PDZRN3: variants seen among roughly 807,000 people sequenced by gnomAD.
The protein encoded by PDZRN3 is E3 ubiquitin-protein ligase PDZRN3.
Under a neutral mutation model 85.7 loss-of-function variants are expected in PDZRN3, and 38 were observed. That is an observed-to-expected ratio of 0.44 (90% CI 0.34 to 0.58). The LOEUF (loss-of-function observed/expected upper bound fraction) is 0.58. Ranked by LOEUF, PDZRN3 falls within the 20% of genes least tolerant of loss-of-function variation. PDZRN3 has a pLI of 0.01. For missense variants in PDZRN3, 1,629 were observed against 1,506.4 expected, an observed-to-expected ratio of 1.08 and a Z score of -1.35; for synonymous variants, 759 against 638.0, an observed-to-expected ratio of 1.19 and a Z score of -2.86.
intron 3 of PDZRN3, among the ~76,000 whole-genome samples, chr3:73,458,909 T>C (rs1703043108): frequency 6.6e-6 from 1 of 150,796 alleles, no homozygotes; most frequent in Non-Finnish European, 1.5e-5. Flanking sequence ...GGAGAATCGA[T>C]TCAACCCGGG....
rs28386174 is a variant in PDZRN3 at position 73,569,354 on chromosome 3, G to C, written c.918+33000C>G. The C allele has an allele frequency of 3.4e-3, 4,140 of 1,206,642 alleles. 123 individuals carry two copies. The African/African-American group carries it at 0.061, about 18-fold the overall frequency. The allele number at this position is 1,206,642 out of a possible 1,614,324, so 74.7% of individuals were successfully genotyped here. A position where few individuals can be genotyped will look rare whatever the true frequency, so the allele number is the denominator to read the frequency against. On this transcript the variant is annotated intron_variant, in intron 3 of 9. Transcript: ENST00000263666. ...AGAATAAGCAGGTTAATAATCTTTA[G>C]TGAGGAGGCTGGGAGGGAGGGGGCC... is the stretch of plus-strand genomic sequence containing the variant.
intron 3 of PDZRN3, among the ~76,000 whole-genome samples, chr3:73,514,520 G>A (rs912754203): frequency 2.0e-5 from 3 of 152,026 alleles, no homozygotes; most frequent in Non-Finnish European, 4.4e-5. Context: ...GGGCTTTAAG[G>A]GCCATGAATA....
chr3:73,605,186 G>T (rs1005886189), intron 2 of PDZRN3, among the ~76,000 whole-genome samples: 1 of 147,782 alleles, frequency 6.8e-6, no homozygotes, highest in East Asian at 2.0e-4. Flanking sequence ...CAACCTGGGT[G>T]ACAGAGTGAG....
intron 3 of PDZRN3, among the ~76,000 whole-genome samples, chr3:73,601,705 T>C (rs980011467): frequency 1.3e-5 from 2 of 152,178 alleles, no homozygotes; most frequent in African/African-American, 2.4e-5. Flanking sequence ...TGTTACAAAG[T>C]GTTGTCTGGT....
At chr3:73,591,892 G>T (rs1299263207) in intron 3 of PDZRN3, among the ~76,000 whole-genome samples, 1 of 152,010 alleles carries the variant, frequency 6.6e-6, no homozygotes, top group Non-Finnish European at 1.5e-5. Flanking sequence ...ATAAACATAG[G>T]TCTCACATGT....
intron 3 of PDZRN3, among the ~76,000 whole-genome samples, chr3:73,451,896 T>C (rs1453437090): frequency 2.0e-5 from 3 of 152,072 alleles, no homozygotes; most frequent in African/African-American, 4.8e-5. Flanking sequence ...GATTTAAAGA[T>C]GACTGTGCTC....
chr3:73,491,593 C>CATTTTTTTTTTT (rs1703772527), intron 3 of PDZRN3, among the ~76,000 whole-genome samples: 1 of 132,870 alleles, frequency 7.5e-6, no homozygotes, highest in Non-Finnish European at 1.6e-5. Context: ...TGGAAGGTTC[C>CATTTTTTTTTTT]TTTTTTTTTT....
intron 3 of PDZRN3, among the ~76,000 whole-genome samples, chr3:73,451,849 TCACACA>T (rs58276955): frequency 1.3e-5 from 2 of 149,298 alleles, no homozygotes; most frequent in Non-Finnish European, 3.0e-5. Flanking sequence ...TAGCTTCTCA[TCACACA>T]CACACACACA....
chr3:73,499,229 CA>C (rs1703928078), intron 3 of PDZRN3, among the ~76,000 whole-genome samples: 1 of 152,186 alleles, frequency 6.6e-6, no homozygotes, highest in Non-Finnish European at 1.5e-5. Context: ...GCACTGGTTA[CA>C]AACATCAGTG....
intron 3 of PDZRN3, among the ~76,000 whole-genome samples, chr3:73,467,879 T>C (rs991802996): frequency 5.3e-5 from 8 of 152,166 alleles, no homozygotes; most frequent in Admixed American, 2.6e-4. Flanking sequence ...ATTCCACTTA[T>C]ATGAGGTGCC....
chr3:73,443,798 T>A (rs1702694927), intron 3 of PDZRN3, among the ~76,000 whole-genome samples: 1 of 148,540 alleles, frequency 6.7e-6, no homozygotes, highest in Non-Finnish European at 1.5e-5. Context: ...CTGGTCCAGC[T>A]TTTTTTTTTA....
At chr3:73,481,755 A>G (rs886484884) in intron 3 of PDZRN3, among the ~76,000 whole-genome samples, 4 of 152,232 alleles carry the variant, frequency 2.6e-5, no homozygotes, top group Non-Finnish European at 5.9e-5. Flanking sequence ...AAATTTATAA[A>G]TAGGTTGTTC....
chr3:73,470,953 AT>A (rs1559696667), intron 3 of PDZRN3, among the ~76,000 whole-genome samples: 2 of 152,180 alleles, frequency 1.3e-5, no homozygotes, highest in Non-Finnish European at 2.9e-5. Flanking sequence ...CCATTTTGCA[AT>A]TTTAAAACTT....
At chr3:73,499,625 C>T (rs1277590163) in intron 3 of PDZRN3, among the ~76,000 whole-genome samples, 1 of 152,124 alleles carries the variant, frequency 6.6e-6, no homozygotes, top group African/African-American at 2.4e-5. Flanking sequence ...GATAAGAAAT[C>T]GATGAAATTT....
rs553589270 is a variant in PDZRN3, at chr3:73,535,617, G to A, written c.918+66737C>T. On this transcript the variant is annotated intron_variant, in intron 3 of 9. Coordinates refer to ENST00000263666, the MANE Select transcript of PDZRN3 (RefSeq NM_015009.3). ...CCTTTTTGGGGAGAGAATATCTTGT[G>A]AAAGTTTCGCCTGACAGTTCACATG... is the stretch of plus-strand genomic sequence containing the variant. Among the ~76,000 whole-genome samples the A allele has an allele frequency of 7.9e-5, 12 of 152,328 alleles. 1 individual carries two copies. Among genetic ancestry groups the A allele is most frequent in the African/African-American group, 2.6e-4 (11 of 41,588 alleles).
At chr3:73,563,013 A>ATATATATATATATATT (rs1187151191) in intron 3 of PDZRN3, among the ~76,000 whole-genome samples, 2 of 43,760 alleles carry the variant, frequency 4.6e-5, no homozygotes, top group Non-Finnish European at 7.4e-5. Context: ...ATATATATAT[A>ATATATATATATATATT]TTTTTTTTTT....
intron 5 of PDZRN3, among the ~76,000 whole-genome samples, chr3:73,399,081 G>T (rs1458353231): frequency 1.3e-5 from 2 of 151,984 alleles, no homozygotes; most frequent in Non-Finnish European, 2.9e-5. Flanking sequence ...TTTCCAGAGC[G>T]GGGGGCTGTA....
chr3:73,506,810 G>A (rs903576015), intron 3 of PDZRN3, among the ~76,000 whole-genome samples: 5 of 151,868 alleles, frequency 3.3e-5, no homozygotes, highest in Non-Finnish European at 5.9e-5. Flanking sequence ...GGAGGTTGAC[G>A]CAGGAGGATG....
In PDZRN3 at chr3:73,624,483, C is replaced by T. The variant is rs751382682; in HGVS notation, c.343G>A (p.Ala115Thr). ...CGCAGCAGCACCTGGCCGCAACCCG[C>T]GTGGCGACAGCGCGCGGGCGCGAAG... is the stretch of plus-strand genomic sequence containing the variant. The part of the protein sequence containing the change: ...CDFAPARCRH[A>T]GCGQVLLRRD... Residue 115 changes from alanine to threonine, a missense_variant, in exon 1 of 10, where the codon GCG (alanine) becomes ACG (threonine). Transcript: ENST00000263666. 1.5e-5 allele frequency: 21 copies of T among 1,404,680 alleles called. No homozygotes were observed. In the African/African-American group the frequency reaches 2.9e-4, roughly 19 times the overall value. 87.0% of individuals were successfully genotyped at this position (1,404,680 alleles called of 1,614,324 possible).
Sources: gnomAD v4.1 joint callset for allele counts (sites outside exome capture counted in the v4.1 genomes callset) on GRCh38, gnomAD v4.1.1 for gene constraint, MANE v1.5 for transcripts, NCBI Gene and HGNC (gene_info 2026-07-23, HGNC 2026-07-21) for gene names.